The following GRIP1 variants were observed in gnomAD, a reference collection of about 807,000 sequenced individuals.
GRIP1 encodes the protein glutamate receptor interacting protein 1.
A neutral mutation model predicts 129.9 loss-of-function variants in GRIP1; 45 were observed. The ratio of observed to expected loss-of-function variants is 0.35; its 90% CI spans 0.27 to 0.44. The LOEUF is 0.44. Among genes scored for constraint, GRIP1 ranks in the 20% least tolerant of loss-of-function variants. The probability of loss-of-function intolerance (pLI) is 1.00; values close to 1 mark genes in which losing one functional copy is unlikely to be tolerated. For synonymous variants in GRIP1, 530 were observed against 520.8 expected (o/e 1.02, Z -0.24); for missense variants, 1,196 against 1,396.8 (o/e 0.86, Z 2.29).
At chr12:66,680,107 A>G (rs1170804209), upstream of GRIP1, among the ~76,000 whole-genome samples, 1 of 152,192 alleles carries the variant, frequency 6.6e-6, no homozygotes, top group Non-Finnish European at 1.5e-5. Context: ...TTTAAGAAAA[A>G]AAAAATCAAT....
chr12:66,386,290 A>C (rs1384073324), intron 19 of GRIP1, among the ~76,000 whole-genome samples: 4 of 152,192 alleles, frequency 2.6e-5, no homozygotes, highest in Non-Finnish European at 5.9e-5. Flanking sequence ...ACCCAGCATT[A>C]ATTTAGAAAA....
At chr12:66,676,661 T>C (rs947930018) in intron 1 of GRIP1, among the ~76,000 whole-genome samples, 3 of 152,058 alleles carry the variant, frequency 2.0e-5, no homozygotes, top group Non-Finnish European at 2.9e-5. Context: ...TAAAGAAATA[T>C]GTATGTTTGG....
chr12:66,679,229 T>G, upstream of GRIP1: 2 of 925,496 alleles, frequency 2.2e-6, no homozygotes, highest in South Asian at 3.5e-5. Flanking sequence ...GAGGAGCCAT[T>G]CCATAAATCT....
intron 1 of GRIP1, among the ~76,000 whole-genome samples, chr12:66,736,390 T>TTTTTTTTTTTTTTTTTTTTG (rs2036602893): frequency 7.8e-6 from 1 of 128,696 alleles, no homozygotes; most frequent in Non-Finnish European, 1.6e-5. Context: ...TTTTTTTTTT[T>TTTTTTTTTTTTTTTTTTTTG]TTAGGATACA....
chr12:66,482,860 A>C (rs1294400957), intron 7 of GRIP1, among the ~76,000 whole-genome samples: 3 of 152,232 alleles, frequency 2.0e-5, no homozygotes, highest in Admixed American at 2.0e-4. Flanking sequence ...TATCCTGCTG[A>C]AATGAAGCAT....
At chr12:66,807,522 A>C (rs549943464), upstream of GRIP1, among the ~76,000 whole-genome samples, 2 of 152,182 alleles carry the variant, frequency 1.3e-5, no homozygotes, top group East Asian at 3.9e-4. Context: ...AAATACAAAA[A>C]AATTAGCCAG....
At chr12:67,064,084 C>T (rs943879360) in intron 1 of GRIP1, among the ~76,000 whole-genome samples, 25 of 152,152 alleles carry the variant, frequency 1.6e-4, no homozygotes, top group African/African-American at 6.0e-4. Context: ...AAATGAGTTA[C>T]TTAAAATGTA....
intron 4 of GRIP1, among the ~76,000 whole-genome samples, chr12:66,530,149 G>T (rs2061395068): frequency 6.6e-6 from 1 of 152,086 alleles, no homozygotes; most frequent in Admixed American, 6.5e-5. Context: ...ATCATAGCTA[G>T]CTCATTTCCT....
chr12:66,614,166 C>T (rs1283297284), intron 1 of GRIP1, among the ~76,000 whole-genome samples: 2 of 151,888 alleles, frequency 1.3e-5, no homozygotes, highest in African/African-American at 2.4e-5. Flanking sequence ...TTTATTTATG[C>T]CCCTTCTTTC....
intron 4 of GRIP1, among the ~76,000 whole-genome samples, chr12:66,535,185 C>T (rs1331233860): frequency 6.6e-6 from 1 of 152,112 alleles, no homozygotes; most frequent in Non-Finnish European, 1.5e-5. Flanking sequence ...TAGCCTTTGC[C>T]TAAAAGCTAT....
intron 1 of GRIP1, among the ~76,000 whole-genome samples, chr12:66,711,862 G>A (rs1444095939): frequency 6.6e-6 from 1 of 151,836 alleles, no homozygotes; most frequent in East Asian, 1.9e-4. Context: ...AACACTATGG[G>A]TCATAGATCC....
At chr12:66,360,122 A>C (rs1384800084) in intron 23 of GRIP1, among the ~76,000 whole-genome samples, 1 of 152,172 alleles carries the variant, frequency 6.6e-6, no homozygotes, top group Non-Finnish European at 1.5e-5. Context: ...CAGAAGCACC[A>C]GGATTCAAGA....
chr12:66,384,102 A>G (rs1428121936), intron 19 of GRIP1, among the ~76,000 whole-genome samples: 3 of 152,212 alleles, frequency 2.0e-5, no homozygotes, highest in East Asian at 1.9e-4. Context: ...ATGTATTATT[A>G]GAGTTTTCAG....
At chr12:66,672,827 A>T (rs911381085) in intron 1 of GRIP1, among the ~76,000 whole-genome samples, 1 of 152,202 alleles carries the variant, frequency 6.6e-6, no homozygotes, top group African/African-American at 2.4e-5. Context: ...TCATTTTGTT[A>T]TAGCTAACAT....
intron 22 of GRIP1, among the ~76,000 whole-genome samples, chr12:66,375,162 A>G (rs2055726262): frequency 6.6e-6 from 1 of 152,164 alleles, no homozygotes; most frequent in Non-Finnish European, 1.5e-5. Flanking sequence ...AGTGCCACAT[A>G]ATTATTAGCT....
chr12:66,559,821 T>C (rs1031138927), intron 2 of GRIP1, among the ~76,000 whole-genome samples: 2 of 151,918 alleles, frequency 1.3e-5, no homozygotes, highest in Non-Finnish European at 2.9e-5. Context: ...GAAAAAACAA[T>C]CCTAAAATTT....
At chr12:66,533,199 ATTAT>A (rs750676072) in intron 4 of GRIP1, among the ~76,000 whole-genome samples, 2 of 150,182 alleles carry the variant, frequency 1.3e-5, no homozygotes, top group Non-Finnish European at 2.9e-5. Flanking sequence ...TTTTATTTTT[ATTAT>A]TTATTTATTT....
chr12:66,707,412 TA>T (rs2035567060), intron 1 of GRIP1, among the ~76,000 whole-genome samples: 1 of 150,322 alleles, frequency 6.7e-6, no homozygotes, highest in African/African-American at 2.5e-5. Flanking sequence ...ATTCAGTCTC[TA>T]ATGTACGATT....
chr12:66,510,269 T>C (rs766643036), intron 7 of GRIP1, among the ~76,000 whole-genome samples: 2 of 152,170 alleles, frequency 1.3e-5, no homozygotes, highest in African/African-American at 4.8e-5. Context: ...TCTCCATCAG[T>C]GCATTGGCCT....
Sources: allele counts gnomAD v4.1 joint callset (sites outside exome capture counted in the v4.1 genomes callset), GRCh38; gene constraint gnomAD v4.1.1; transcripts MANE v1.5; gene names NCBI Gene and HGNC (gene_info 2026-07-23, HGNC 2026-07-21).